TMEM86B: variants seen among roughly 807,000 people sequenced by gnomAD.
TMEM86B encodes the protein lysoplasmalogenase TMEM86B.
Under a neutral mutation model 12.3 loss-of-function variants are expected in TMEM86B, and 15 were observed. The ratio of observed to expected loss-of-function variants is 1.22; its 90% CI spans 0.81 to 1.87. The LOEUF (loss-of-function observed/expected upper bound fraction) is 1.87. Among genes scored for constraint, TMEM86B ranks in the 40% most tolerant of loss-of-function variants. The pLI, the probability that TMEM86B is intolerant of heterozygous loss-of-function variation, is 0.00. For synonymous variants in TMEM86B, 173 were observed against 140.3 expected, an observed-to-expected ratio of 1.23 and a Z score of -1.65; for missense variants, 328 against 297.4, an observed-to-expected ratio of 1.10 and a Z score of -0.76.
In TMEM86B at chr19:55,228,278, C is replaced by T. The variant is rs201352309; in HGVS notation, c.211G>A (p.Gly71Arg). 1.1e-4 allele frequency: 179 copies of T among 1,613,030 alleles called. No homozygotes were observed. The highest frequency in any genetic ancestry group is 1.4e-4 in the Non-Finnish European group (168 of 1,179,770). ...CCCTGGAGGAGCTGGGTGTAGCCCC[C>T]GCTTGGGGACATGACCCACAGGAAC... ...AGFLWVMSPSGGYTQLLQGAL... is the reference protein window; with the variant it reads ...AGFLWVMSPSRGYTQLLQGAL... Residue 71 changes from glycine (G) to arginine (R), a missense_variant, in exon 2 of 3, where the codon GGG (glycine) becomes AGG (arginine). Transcript: ENST00000327042.
chr19:55,227,139 C>G lies in TMEM86B; in HGVS notation c.*42G>C, dbSNP rs2087288839. 1 of 1,424,292 alleles carries G rather than the reference C, an allele frequency of 7.0e-7. No homozygotes were observed. Among genetic ancestry groups the G allele is most frequent in the African/African-American group, 1.4e-5 (1 of 69,290 alleles). 88.2% of individuals were successfully genotyped at this position (1,424,292 alleles called of 1,614,324 possible). On this transcript the variant is annotated 3_prime_UTR_variant, in exon 3 of 3. Coordinates refer to ENST00000327042, the MANE Select transcript of TMEM86B (RefSeq NM_173804.5). ...CTGGGCTGGGAGGCCCAGGTCCTTGCAGGAGGAGAGGGCCTGAACACCGGC... is the reference window on the plus strand; with the variant it reads ...CTGGGCTGGGAGGCCCAGGTCCTTGGAGGAGGAGAGGGCCTGAACACCGGC...
Position 55,228,085 on chromosome 19 carries a change from G to T in TMEM86B, c.298+106C>A. 2.0e-6 allele frequency: 3 copies of T among 1,463,920 alleles called. No homozygotes were observed. The South Asian group carries it at 4.3e-5, about 21-fold the overall frequency. 90.7% of individuals were successfully genotyped at this position (1,463,920 alleles called of 1,614,324 possible). A position where few individuals can be genotyped will look rare whatever the true frequency, so the allele number is the denominator to read the frequency against. Reference sequence around the variant, plus strand: ...CGGCTGCGCCCCCCACTGTGCCTTTGACCACTGGAGCTCTCACAGGAGCCC... The same window carrying T: ...CGGCTGCGCCCCCCACTGTGCCTTTTACCACTGGAGCTCTCACAGGAGCCC... On this transcript the variant is annotated intron_variant, in intron 2 of 2. Transcript: ENST00000327042.
rs1480160840 is a variant in TMEM86B, at chr19:55,228,217, A to T, written c.272T>A (p.Leu91His). ...LVCSAVGDAC[L>H]IWPAAFVPGM... ...AGGGACGAAGGCTGCCGGCCAGATG[A>T]GGCAAGCGTCCCCCACAGCCGAGCA... is the stretch of plus-strand genomic sequence containing the variant. Residue 91 changes from leucine (L) to histidine (H), a missense_variant, in exon 2 of 3, where the codon CTC (leucine) becomes CAC (histidine). Coordinates refer to ENST00000327042, the MANE Select transcript of TMEM86B (RefSeq NM_173804.5). The T allele has an allele frequency of 5.0e-6, 8 of 1,611,568 alleles. No individual in the cohort carries two copies. In the South Asian group the frequency reaches 8.8e-5, roughly 18 times the overall value.
At chr19:55,228,061 G>C (rs757386467) in intron 2 of TMEM86B, 130 bp downstream of exon 2, 2 of 1,421,392 alleles carry the variant, frequency 1.4e-6, no homozygotes, top group Non-Finnish European at 1.8e-6. Context: ...CCTCGGTCAC[G>C]GCTGCGCCCC....
rs1428202419 is a variant in TMEM86B at position 55,228,422 on chromosome 19, T to G, written c.67A>C (p.Arg23=). ...HCSAQRPDVC[R]WLSPFILSCC... is the part of the protein sequence containing the mutation. ...GAGAGGATGAAGGGGCTCAGCCACC[T>G]GCAGACATCTGGGCGCTTTGGGGAG... Residue 23 remains arginine (R), a synonymous_variant, in exon 2 of 3, where the codon AGG becomes CGG. Coordinates refer to ENST00000327042, the MANE Select transcript of TMEM86B (RefSeq NM_173804.5). The G allele has an allele frequency of 1.9e-6, 3 of 1,612,540 alleles. No homozygotes were observed. Among genetic ancestry groups the G allele is most frequent in the South Asian group, 1.1e-5 (1 of 91,082 alleles).
At chr19:55,228,491 G>T (rs2087307069) in intron 1 of TMEM86B, 54 bp from the exon 2 acceptor site, 1 of 1,598,340 alleles carries the variant, frequency 6.3e-7, no homozygotes, top group African/African-American at 1.3e-5. Flanking sequence ...CCCATTCTTG[G>T]GACTCAGATC....
At chr19:55,227,675 T>C (rs2087295981) in intron 2 of TMEM86B, 112 bp from the exon 3 acceptor site, 3 of 1,352,334 alleles carry the variant, frequency 2.2e-6, no homozygotes, top group African/African-American at 1.5e-5. Context: ...GGCCCCACCC[T>C]GGCCGAGCCT....
chr19:55,228,607 G>GGACA, intron 1 of TMEM86B, 84 bp downstream of exon 1: 2 of 1,541,120 alleles, frequency 1.3e-6, no homozygotes, highest in Non-Finnish European at 1.8e-6. Context: ...ACCAACTCAA[G>GGACA]GACAGCAGCT....
intron 1 of TMEM86B, 76 bp from the exon 2 acceptor site, chr19:55,228,513 G>A: frequency 6.3e-7 from 1 of 1,577,680 alleles, no homozygotes; most frequent in Non-Finnish European, 8.6e-7. Context: ...CATGGCTCCT[G>A]TCCCACCCCC....
In TMEM86B at chr19:55,227,400, A is replaced by G. The variant is rs368757057; in HGVS notation, c.462T>C (p.Tyr154=). The change falls in exon 3 of 3, where the codon TAT becomes TAC. Residue 154 remains tyrosine (Y), a synonymous_variant. Coordinates refer to ENST00000327042, the MANE Select transcript of TMEM86B (RefSeq NM_173804.5). ...EPDMVLPVAA[Y]GLILMAMLWR... ...ACAGCATGGCCATCAGGATCAGCCC[A>G]TAGGCTGCCACCGGCAGGACCATAT... 46 of 1,587,694 alleles carry G rather than the reference A, an allele frequency of 2.9e-5. No homozygotes were observed. In the African/African-American group the frequency reaches 5.9e-4, roughly 20 times the overall value.
Position 55,228,311 on chromosome 19 carries a change from G to A in TMEM86B, c.178C>T (p.Leu60=), listed in dbSNP as rs1182170600. ...GACATGACCCACAGGAACCCAGCCAGGCAGAGGACGGGCAGGCACTTGACC... is the reference window on the plus strand; with the variant it reads ...GACATGACCCACAGGAACCCAGCCAAGCAGAGGACGGGCAGGCACTTGACC... ...ALVKCLPVLC[L]AGFLWVMSPS... The change falls in exon 2 of 3, where the codon CTG becomes TTG. Residue 60 remains leucine, a synonymous_variant. Transcript: ENST00000327042. The A allele has an allele frequency of 3.1e-6, 5 of 1,613,854 alleles. No homozygotes were observed. Among genetic ancestry groups the A allele is most frequent in the East Asian group, 2.2e-5 (1 of 44,888 alleles).
At chr19:55,228,154 C>T (rs767832086) in intron 2 of TMEM86B, 37 bp downstream of exon 2, 16 of 1,576,526 alleles carry the variant, frequency 1.0e-5, no homozygotes, top group South Asian at 5.9e-5. Context: ...CTCTCTCACA[C>T]GGGCATCTGG....
At position 55,227,219 on chromosome 19, in the gene TMEM86B, G is replaced by C; in HGVS notation, c.643C>G (p.Leu215Val). 1 of 1,560,574 alleles carries C rather than the reference G, an allele frequency of 6.4e-7. No individual in the cohort carries two copies. The highest frequency in any genetic ancestry group is 8.7e-7 in the Non-Finnish European group (1 of 1,148,578). Reference sequence around the variant, plus strand: ...GGCACCGGGCTCCTGAGGGCTGACAGTGTGATGAGGAGCTGGGCAGCATAG... The same window carrying C: ...GGCACCGGGCTCCTGAGGGCTGACACTGTGATGAGGAGCTGGGCAGCATAG... ...TYYAAQLLITLSALRSPVPKT... is the reference protein window; with the variant it reads ...TYYAAQLLITVSALRSPVPKT... The change falls in exon 3 of 3, where the codon CTG becomes GTG. Residue 215 changes from leucine to valine, a missense_variant. Coordinates refer to ENST00000327042, the MANE Select transcript of TMEM86B (RefSeq NM_173804.5).
intron 2 of TMEM86B, chr19:55,227,866 T>G (rs367878048): frequency 6.7e-5 from 39 of 582,358 alleles, no homozygotes; most frequent in African/African-American, 5.2e-4. Flanking sequence ...GCCTTTACAC[T>G]CGCCCTTCCT....
At position 55,227,073 on chromosome 19, in the gene TMEM86B, C is replaced by A; in HGVS notation, c.*108G>T. The A allele has an allele frequency of 7.9e-7, 1 of 1,258,120 alleles. No homozygotes were observed. The highest frequency in any genetic ancestry group is 2.9e-5 in the East Asian group (1 of 34,104). The allele number at this position is 1,258,120 out of a possible 1,614,324, so 77.9% of individuals were successfully genotyped here. On this transcript the variant is annotated 3_prime_UTR_variant, in exon 3 of 3. Coordinates refer to ENST00000327042, the MANE Select transcript of TMEM86B (RefSeq NM_173804.5). Reference sequence around the variant, plus strand: ...GGCGGCAGCGGCGCCTGCAGACAGGCGTCAGGAAGCTTCGCTGCTGAGGGT... The same window carrying A: ...GGCGGCAGCGGCGCCTGCAGACAGGAGTCAGGAAGCTTCGCTGCTGAGGGT...
intron 1 of TMEM86B, 38 bp downstream of exon 1, chr19:55,228,653 G>T: frequency 6.3e-7 from 1 of 1,597,670 alleles, no homozygotes; most frequent in Non-Finnish European, 8.5e-7. Context: ...CCAGGGCCCT[G>T]TCCCCCCAGC....
chr19:55,228,113 T>G (rs1289817740), intron 2 of TMEM86B, 78 bp downstream of exon 2: 1 of 1,514,084 alleles, frequency 6.6e-7, no homozygotes, highest in Non-Finnish European at 8.8e-7. Context: ...AGGAGCCCTC[T>G]GCACCCAGGC....
In TMEM86B at chr19:55,226,802, C is replaced by T; in HGVS notation, c.*379G>A. The T allele has an allele frequency of 5.0e-6, 1 of 199,162 alleles. No individual in the cohort carries two copies. The highest frequency in any genetic ancestry group is 1.0e-5 in the Non-Finnish European group (1 of 99,126). 12.3% of individuals were successfully genotyped at this position (199,162 alleles called of 1,614,324 possible). A position where few individuals can be genotyped will look rare whatever the true frequency, so the allele number is the denominator to read the frequency against. On this transcript the variant is annotated 3_prime_UTR_variant, in exon 3 of 3. Transcript: ENST00000327042. ...ATCATGACCCTCCCCGAGGCCTCTC[C>T]TACGGTAACAGCAACATCTACGGTT...
intron 2 of TMEM86B, chr19:55,227,968 C>T (rs765376340): frequency 1.3e-6 from 1 of 758,412 alleles, no homozygotes; most frequent in Non-Finnish European, 2.1e-6. Context: ...GCAGTACCTC[C>T]AGCAGGTCCT....
Sources: allele counts gnomAD v4.1 joint callset, GRCh38; gene constraint gnomAD v4.1.1; transcripts MANE v1.5; gene names NCBI Gene and HGNC (gene_info 2026-07-23, HGNC 2026-07-21).